Variants in KIF1A observed in about 807,000 individuals in gnomAD.
KIF1A encodes kinesin-like protein KIF1A.
A neutral mutation model predicts 227.3 loss-of-function variants in KIF1A; 46 were observed. The observed-to-expected ratio is 0.20, with a 90% CI of 0.16 to 0.26. The LOEUF is 0.26. Among genes scored for constraint, KIF1A ranks in the 10% least tolerant of loss-of-function variants. The pLI, the probability that KIF1A is intolerant of heterozygous loss-of-function variation, is 1.00. For missense variants in KIF1A, 1,683 were observed against 2,485.9 expected, an observed-to-expected ratio of 0.68 and a Z score of 6.87; for synonymous variants, 1,022 against 1,012.8, an observed-to-expected ratio of 1.01 and a Z score of -0.17.
Position 240,778,047 on chromosome 2 carries a change from A to G in KIF1A, c.883-2121T>C, listed in dbSNP as rs541478957. On this transcript the variant is annotated intron_variant, in intron 10 of 48. Coordinates refer to ENST00000498729, the MANE Select transcript of KIF1A (RefSeq NM_001244008.2). This position sits in a 1 kb window ranked among gnomAD's most constrained non-coding sequence, Gnocchi z 7.2. ...CGCGGCTGCTCGCAGCTCACCACACAGTTCCTCAGCTCCTCCCGCTCCCCA... is the reference window on the plus strand; with the variant it reads ...CGCGGCTGCTCGCAGCTCACCACACGGTTCCTCAGCTCCTCCCGCTCCCCA... 1.2e-4 allele frequency among the ~76,000 whole-genome samples: 18 copies of G among 152,004 alleles called. No individual in the cohort carries two copies. In the South Asian group the frequency reaches 3.5e-3, roughly 30 times the overall value.
chr2:240,820,534 C>A (rs866392622), upstream of KIF1A, among the ~76,000 whole-genome samples: 1 of 151,864 alleles, frequency 6.6e-6, no homozygotes, highest in East Asian at 2.0e-4. This position sits in a 1 kb window ranked among gnomAD's most constrained non-coding sequence, Gnocchi z 6.2. Flanking sequence ...GGCGGCGCCC[C>A]GTCCCGAAGC....
At chr2:240,781,908 C>T in intron 10 of KIF1A, 1 of 985,422 alleles carries the variant, frequency 1.0e-6, no homozygotes, top group South Asian at 4.7e-5. Flanking sequence ...TCACACGGGC[C>T]GCACAGCTCT....
At chr2:240,772,548 G>C in intron 14 of KIF1A, 22 bp downstream of exon 14, 1 of 1,546,566 alleles carries the variant, frequency 6.5e-7, no homozygotes, top group Non-Finnish European at 8.7e-7. Context: ...GAGATGCAGA[G>C]AGCAGCAAAG....
At chr2:240,719,962 C>A in intron 45 of KIF1A, 36 bp from the exon 46 acceptor site, 1 of 1,552,058 alleles carries the variant, frequency 6.4e-7, no homozygotes, top group Non-Finnish European at 8.7e-7. Context: ...CACTGCAGGC[C>A]TCCCTGGGCC....
At chr2:240,718,254 G>T in intron 47 of KIF1A, 86 bp from the exon 48 acceptor site, 1 of 941,258 alleles carries the variant, frequency 1.1e-6, no homozygotes, top group Admixed American at 2.0e-5. Flanking sequence ...AGGCAGGCAG[G>T]GGAGGGGCAC....
chr2:240,784,200 C>T (rs2054422796), intron 7 of KIF1A, among the ~76,000 whole-genome samples: 1 of 152,204 alleles, frequency 6.6e-6, no homozygotes, highest in Non-Finnish European at 1.5e-5. Flanking sequence ...CTCCAGGAGG[C>T]CCTGGCCCTG....
intron 38 of KIF1A, among the ~76,000 whole-genome samples, chr2:240,729,534 G>A (rs1050687804): frequency 2.6e-5 from 4 of 152,224 alleles, no homozygotes; most frequent in African/African-American, 9.6e-5. Flanking sequence ...AACAAGCCCA[G>A]TGAGGCAGGC....
Position 240,773,141 on chromosome 2 carries a change from C to T in KIF1A, c.1153G>A (p.Ala385Thr), listed in dbSNP as rs771284647. ...EVTRLRDLLY[A>T]QGLGDITDTN... Reference sequence around the variant, plus strand: ...TCAGTGATGTCGCCAAGACCCTGGGCGTACAGAAGGTCCCGCAGCCGGGTC... The same window carrying T: ...TCAGTGATGTCGCCAAGACCCTGGGTGTACAGAAGGTCCCGCAGCCGGGTC... Residue 385 changes from alanine to threonine, a missense_variant, in exon 13 of 49, where the codon GCC becomes ACC. Physicochemically the swap from Ala to Thr is moderately conservative, Grantham distance 58. This residue lies in a region of KIF1A where 110 missense variants were observed against 133.1 expected (regional missense o/e 0.83). Coordinates refer to ENST00000498729, the MANE Select transcript of KIF1A (RefSeq NM_001244008.2). 27 of 1,613,568 alleles carry T rather than the reference C, an allele frequency of 1.7e-5. No individual in the cohort carries two copies. Among genetic ancestry groups the T allele is most frequent in the South Asian group, 3.3e-5 (3 of 91,040 alleles).
intron 12 of KIF1A, 112 bp downstream of exon 12, chr2:240,774,071 C>T: frequency 1.6e-6 from 1 of 640,846 alleles, no homozygotes; most frequent in Non-Finnish European, 2.8e-6. Flanking sequence ...CAGGGTATAC[C>T]CCTCACAAAG....
At position 240,739,672 on chromosome 2, in the gene KIF1A, G is replaced by A. The variant is rs1032012647; in HGVS notation, c.3901+386C>T. Reference sequence around the variant, plus strand: ...AAGATGCTGGCCACCACCAGGAGCTGGAAGAGGCAGGGAGGGATTTTCCCC... The same window carrying A: ...AAGATGCTGGCCACCACCAGGAGCTAGAAGAGGCAGGGAGGGATTTTCCCC... On this transcript the variant is annotated intron_variant, in intron 37 of 48. Coordinates refer to ENST00000498729, the MANE Select transcript of KIF1A (RefSeq NM_001244008.2). The surrounding 1 kb of genome is among the most constrained non-coding windows in gnomAD (Gnocchi z 5.6). 2.6e-5 allele frequency among the ~76,000 whole-genome samples: 4 copies of A among 152,200 alleles called. No individual in the cohort carries two copies. The highest frequency in any genetic ancestry group is 4.4e-5 in the Non-Finnish European group (3 of 68,032).
chr2:240,736,992 C>T lies in KIF1A; in HGVS notation c.4007+71G>A, dbSNP rs2047394872. ...TCACCTTGTGTGGCTGAACCCTGTG[C>T]CGGGTTGGCTGAGGGCCTGGCAGGC... is the stretch of plus-strand genomic sequence containing the variant. On this transcript the variant is annotated intron_variant, in intron 38 of 48. Coordinates refer to ENST00000498729, the MANE Select transcript of KIF1A (RefSeq NM_001244008.2). The surrounding 1 kb of genome is among the most constrained non-coding windows in gnomAD (Gnocchi z 4.7). 3 of 1,266,986 alleles carry T rather than the reference C, an allele frequency of 2.4e-6. 1 individual carries two copies. The South Asian group carries it at 3.6e-5, about 15-fold the overall frequency. The allele number at this position is 1,266,986 out of a possible 1,614,324, so 78.5% of individuals were successfully genotyped here.
At position 240,757,580 on chromosome 2, in the gene KIF1A, C is replaced by A; in HGVS notation, c.2597G>T (p.Gly866Val). ...FRLVGSSAIS[G>V]CNSYPLLNTC... ...GTTGAGAAGAGGGTAGCTGTTGCAG[C>A]CAGAGATGGCTGAACTGAGGTTAGT... The change falls in exon 27 of 49, where the codon GGC becomes GTC. Residue 866 changes from glycine to valine, a missense_variant. Around this residue, in one of 12 missense-constraint regions of KIF1A, gnomAD observed 759 missense variants for 1,020.2 expected, o/e 0.74. Coordinates refer to ENST00000498729, the MANE Select transcript of KIF1A (RefSeq NM_001244008.2). The surrounding 1 kb of genome is among the most constrained non-coding windows in gnomAD (Gnocchi z 6.2). The A allele has an allele frequency of 1.3e-6, 2 of 1,550,570 alleles. No individual in the cohort carries two copies. Among genetic ancestry groups the A allele is most frequent in the Non-Finnish European group, 1.7e-6 (2 of 1,146,964 alleles).
rs188135072 is a variant in KIF1A, at chr2:240,788,998, C to T, written c.183+238G>A. Among the ~76,000 whole-genome samples, 67 of 152,260 alleles carry T rather than the reference C, an allele frequency of 4.4e-4. No homozygotes were observed. Among genetic ancestry groups the T allele is most frequent in the African/African-American group, 1.5e-3 (63 of 41,544 alleles). On this transcript the variant is annotated intron_variant, in intron 3 of 48. Coordinates refer to ENST00000498729, the MANE Select transcript of KIF1A (RefSeq NM_001244008.2). The surrounding 1 kb of genome is among the most constrained non-coding windows in gnomAD (Gnocchi z 6.6). ...GGGGGAAAAGTCACCAGCAGATGGA[C>T]GTACACACAGCTCTGACCCTGGAAA... is the stretch of plus-strand genomic sequence containing the variant.
In KIF1A at chr2:240,742,950, C is replaced by A; in HGVS notation, c.3619G>T (p.Val1207Phe). The change falls in exon 34 of 49, where the codon GTC becomes TTC. Residue 1207 changes from valine (V) to phenylalanine (F), a missense_variant. Physicochemically the swap from Val to Phe is conservative, Grantham distance 50. This residue lies in a region of KIF1A where 759 missense variants were observed against 1,020.2 expected (regional missense o/e 0.74). Coordinates refer to ENST00000498729, the MANE Select transcript of KIF1A (RefSeq NM_001244008.2). ...CTACCTGGCTTGGACAGTGGCATGA[C>A]CCGAGGGAAGTGGCGGCGCGAGGGC... ...LRPSRRHFPR[V>F]MPLSKPVPAT... The A allele has an allele frequency of 6.2e-7, 1 of 1,611,686 alleles. No individual in the cohort carries two copies. Among genetic ancestry groups the A allele is most frequent in the Non-Finnish European group, 8.5e-7 (1 of 1,178,940 alleles).
At chr2:240,741,146 T>G (rs2047908971) in intron 35 of KIF1A, 123 bp downstream of exon 35, 1 of 660,396 alleles carries the variant, frequency 1.5e-6, no homozygotes, top group Non-Finnish European at 2.7e-6. Context: ...AGGTCTGCAG[T>G]GAACACCCGC....
At chr2:240,782,938 G>T in intron 9 of KIF1A, 106 bp downstream of exon 9, 2 of 953,696 alleles carry the variant, frequency 2.1e-6, no homozygotes, top group East Asian at 2.4e-5. Context: ...CCTTGAACCT[G>T]GCCACCTCCC....
intron 22 of KIF1A, 49 bp downstream of exon 22, chr2:240,762,970 C>T (rs1315080888): frequency 4.4e-6 from 6 of 1,361,864 alleles, no homozygotes; most frequent in African/African-American, 1.5e-5. Flanking sequence ...ACAGGGGTCC[C>T]CTGGTGTGGG....
rs1042391791 is a variant in KIF1A, at chr2:240,782,595, T to A, written c.877A>T (p.Asn293Tyr). The change falls in exon 10 of 49, where the codon AAC becomes TAC. Residue 293 changes from asparagine (N) to tyrosine (Y), a missense_variant. Asn to Tyr is a moderately radical substitution (Grantham distance 143). Around this residue, in one of 12 missense-constraint regions of KIF1A, gnomAD observed 15 missense variants for 16.1 expected, o/e 0.93. Transcript: ENST00000498729. The stretch of plus-strand genomic sequence containing the variant: ...GGCTGAAGGAAGCCGCTTACCTTGT[T>A]GGGTCCGGAGTCCTGAAAAGGAAAA... ...SALAEMDSGPNKNKKKKKTDF... is the reference protein window; with the variant it reads ...SALAEMDSGPYKNKKKKKTDF... 6 of 1,552,590 alleles carry A rather than the reference T, an allele frequency of 3.9e-6. No individual in the cohort carries two copies. In the East Asian group the frequency reaches 1.5e-4, roughly 38 times the overall value.
At chr2:240,741,065 C>T (rs191546637) in intron 35 of KIF1A, among the ~76,000 whole-genome samples, 1 of 152,296 alleles carries the variant, frequency 6.6e-6, no homozygotes, top group East Asian at 1.9e-4. Context: ...CCTCCCTGCC[C>T]CTCATGCCAG....
Sources: gnomAD v4.1 joint callset for allele counts (sites outside exome capture counted in the v4.1 genomes callset) on GRCh38, gnomAD v4.1.1 for gene constraint, gnomAD v4.1.1 regional missense constraint, Gnocchi (gnomAD v3.1) non-coding constraint, MANE v1.5 for transcripts, NCBI Gene and HGNC (gene_info 2026-07-23, HGNC 2026-07-21) for gene names.